Variants in SLC39A11 observed in about 807,000 individuals in gnomAD.
SLC39A11 encodes solute carrier family 39 member 11.
A neutral mutation model predicts 36.1 loss-of-function variants in SLC39A11; 33 were observed. The ratio of observed to expected loss-of-function variants is 0.91; its 90% CI spans 0.69 to 1.22. The LOEUF is 1.22. SLC39A11 is among the 50% of genes most tolerant of loss of function. The pLI is 0.00. For synonymous variants in SLC39A11, 166 were observed against 170.3 expected, an observed-to-expected ratio of 0.97 and a Z score of 0.20; for missense variants, 432 against 430.3, an observed-to-expected ratio of 1.00 and a Z score of -0.03.
At chr17:72,649,061 A>G in intron 8 of SLC39A11, 100 bp from the exon 9 acceptor site, 1 of 1,542,998 alleles carries the variant, frequency 6.5e-7, no homozygotes, top group Non-Finnish European at 8.9e-7. Flanking sequence ...GATGCATGCC[A>G]TTCTACGTCA....
At chr17:72,747,119 G>C (rs2074971039) in intron 6 of SLC39A11, among the ~76,000 whole-genome samples, 2 of 152,132 alleles carry the variant, frequency 1.3e-5, no homozygotes, top group African/African-American at 4.8e-5. Context: ...GGGGGCTTTG[G>C]GGACAGGGTG....
chr17:72,665,389 G>GTTTTTTTTTTTGTTT (rs2070689959), intron 7 of SLC39A11, among the ~76,000 whole-genome samples: 3 of 76,636 alleles, frequency 3.9e-5, no homozygotes, highest in East Asian at 3.6e-4. Context: ...GTTTTGAGGT[G>GTTTTTTTTTTTGTTT]TTTTTTTTTT....
Position 72,905,027 on chromosome 17 carries a change from G to A in SLC39A11, c.430+42725C>T, listed in dbSNP as rs184199308. ...TCTCTACTAAATATACAAAACATTAGCCAGGCGAGGTGGCGGGCACCTGTA... is the reference window on the plus strand; with the variant it reads ...TCTCTACTAAATATACAAAACATTAACCAGGCGAGGTGGCGGGCACCTGTA... On this transcript the variant is annotated intron_variant, in intron 5 of 9. Coordinates refer to ENST00000255559, the MANE Select transcript of SLC39A11 (RefSeq NM_139177.4). Among the ~76,000 whole-genome samples, 10 of 151,758 alleles carry A rather than the reference G, an allele frequency of 6.6e-5. No homozygotes were observed. In the East Asian group the frequency reaches 1.8e-3, roughly 27 times the overall value.
chr17:72,806,811 G>C (rs1444475768), intron 6 of SLC39A11, among the ~76,000 whole-genome samples: 5 of 152,274 alleles, frequency 3.3e-5, no homozygotes, highest in African/African-American at 9.6e-5. Context: ...TCGAACTCCT[G>C]ACCTCAGGTG....
At chr17:72,994,566 G>A (rs534264027) in intron 4 of SLC39A11, among the ~76,000 whole-genome samples, 27 of 152,092 alleles carry the variant, frequency 1.8e-4, no homozygotes, top group Non-Finnish European at 2.1e-4. Flanking sequence ...TATTCATTAC[G>A]TTTGTTGTAT....
chr17:72,776,204 A>G (rs1398701765), intron 6 of SLC39A11, among the ~76,000 whole-genome samples: 1 of 152,206 alleles, frequency 6.6e-6, no homozygotes, highest in African/African-American at 2.4e-5. Flanking sequence ...TAGATTCTGC[A>G]GGGACTCACA....
chr17:72,904,296 G>A (rs1002369599), intron 5 of SLC39A11, among the ~76,000 whole-genome samples: 1 of 152,130 alleles, frequency 6.6e-6, no homozygotes, highest in Non-Finnish European at 1.5e-5. Flanking sequence ...AAAGAGGTGA[G>A]CCCAGAGTTG....
intron 2 of SLC39A11, among the ~76,000 whole-genome samples, chr17:73,085,406 G>A (rs534805152): frequency 1.3e-5 from 2 of 152,098 alleles, no homozygotes; most frequent in East Asian, 1.9e-4. Context: ...AGCACTTTGC[G>A]AGGCCAAGGC....
intron 4 of SLC39A11, among the ~76,000 whole-genome samples, chr17:73,019,374 G>T (rs149822543): frequency 2.1e-3 from 322 of 152,268 alleles, no homozygotes; most frequent in East Asian, 0.018. Context: ...ATGTACTAAA[G>T]ATTTATGACA....
At chr17:73,054,032 A>C (rs773493598) in intron 3 of SLC39A11, among the ~76,000 whole-genome samples, 4 of 152,152 alleles carry the variant, frequency 2.6e-5, no homozygotes, top group Non-Finnish European at 5.9e-5. Flanking sequence ...GGGTCTGGAA[A>C]AATCAAGCTG....
At chr17:72,822,727 C>A (rs2077846281) in intron 6 of SLC39A11, among the ~76,000 whole-genome samples, 2 of 150,724 alleles carry the variant, frequency 1.3e-5, no homozygotes, top group South Asian at 2.1e-4. Flanking sequence ...TTCTTTCTTT[C>A]TTTTCTTTCT....
chr17:72,787,605 A>G (rs2076566081), intron 6 of SLC39A11, among the ~76,000 whole-genome samples: 1 of 152,182 alleles, frequency 6.6e-6, no homozygotes, highest in Non-Finnish European at 1.5e-5. Context: ...CTGGGGTTCT[A>G]CAGTTGTTCC....
At chr17:72,693,782 C>A (rs1005790043) in intron 7 of SLC39A11, among the ~76,000 whole-genome samples, 1 of 152,164 alleles carries the variant, frequency 6.6e-6, no homozygotes, top group African/African-American at 2.4e-5. Context: ...CCTGCCTCAG[C>A]CTCCCAAGCA....
At chr17:72,719,473 G>GC (rs1018122812) in intron 7 of SLC39A11, among the ~76,000 whole-genome samples, 3 of 152,074 alleles carry the variant, frequency 2.0e-5, no homozygotes, top group Non-Finnish European at 2.9e-5. Flanking sequence ...TGAAGACCCT[G>GC]CCCCCCAGAA....
At chr17:72,712,824 G>A (rs1282137418) in intron 7 of SLC39A11, 2 of 152,102 alleles carry the variant, frequency 1.3e-5, no homozygotes, top group African/African-American at 4.8e-5. Context: ...GTGGGTCAGA[G>A]TGGAGATATG....
chr17:72,695,743 AGAG>A (rs2072265097), intron 7 of SLC39A11, among the ~76,000 whole-genome samples: 1 of 152,206 alleles, frequency 6.6e-6, no homozygotes, highest in Non-Finnish European at 1.5e-5. Context: ...AGAGACCCAC[AGAG>A]GAGAGGAGGA....
intron 4 of SLC39A11, among the ~76,000 whole-genome samples, chr17:73,024,787 T>C (rs1237958756): frequency 6.6e-6 from 1 of 151,614 alleles, no homozygotes; most frequent in East Asian, 1.9e-4. Context: ...AGCCTCCGCC[T>C]CTTAGGTTCA....
At chr17:72,735,001 G>A (rs565822753) in intron 7 of SLC39A11, among the ~76,000 whole-genome samples, 6 of 152,212 alleles carry the variant, frequency 3.9e-5, no homozygotes, top group Non-Finnish European at 8.8e-5. Context: ...AGAGCAGTCT[G>A]CAGGGTGTGA....
At chr17:73,063,948 A>G (rs900220254) in intron 3 of SLC39A11, among the ~76,000 whole-genome samples, 1 of 152,146 alleles carries the variant, frequency 6.6e-6, no homozygotes, top group Non-Finnish European at 1.5e-5. Flanking sequence ...CCCCTTGTTT[A>G]TGCATTTAAC....
Sources: gnomAD v4.1 joint callset for allele counts (sites outside exome capture counted in the v4.1 genomes callset) on GRCh38, gnomAD v4.1.1 for gene constraint, MANE v1.5 for transcripts, NCBI Gene and HGNC (gene_info 2026-07-23, HGNC 2026-07-21) for gene names.